Variants in PTPRQ observed in about 807,000 individuals in gnomAD.
The protein encoded by PTPRQ is phosphatidylinositol phosphatase PTPRQ.
Under a neutral mutation model 246.0 loss-of-function variants are expected in PTPRQ, and 199 were observed. That is an observed-to-expected ratio of 0.81 (90% CI 0.72 to 0.91). The LOEUF is 0.91. Ranked by LOEUF, PTPRQ falls within the 40% of genes least tolerant of loss-of-function variation. The probability of loss-of-function intolerance (pLI) is 0.00; values close to 1 mark genes in which losing one functional copy is unlikely to be tolerated. For missense variants in PTPRQ, 2,624 were observed against 2,528.4 expected (o/e 1.04, Z -0.81); for synonymous variants, 869 against 853.2 (o/e 1.02, Z -0.32).
At chr12:80,461,199 C>T (rs1047131188) in intron 6 of PTPRQ, among the ~76,000 whole-genome samples, 9 of 152,034 alleles carry the variant, frequency 5.9e-5, no homozygotes, top group Admixed American at 2.0e-4. Flanking sequence ...TCATCTTTGC[C>T]GTTCTAAATG....
intron 14 of PTPRQ, among the ~76,000 whole-genome samples, chr12:80,497,008 G>C (rs1288860836): frequency 6.6e-6 from 1 of 151,910 alleles, no homozygotes; most frequent in African/African-American, 2.4e-5. Flanking sequence ...GGAATGGGCA[G>C]AAGGATGTTA....
chr12:80,612,899 C>T (rs1225687193), intron 28 of PTPRQ, among the ~76,000 whole-genome samples: 2 of 150,518 alleles, frequency 1.3e-5, no homozygotes, highest in East Asian at 3.9e-4. Flanking sequence ...GACCTCAAGG[C>T]CATTGTGCTA....
At chr12:80,533,965 T>C in intron 17 of PTPRQ, 50 bp from the exon 18 acceptor site, 1 of 1,336,920 alleles carries the variant, frequency 7.5e-7, no homozygotes, top group Non-Finnish European at 9.9e-7. Flanking sequence ...TCAAAAAGTA[T>C]TGTTAACTTT....
intron 25 of PTPRQ, among the ~76,000 whole-genome samples, chr12:80,564,809 A>C (rs1186793918): frequency 6.6e-6 from 1 of 152,190 alleles, no homozygotes; most frequent in Admixed American, 6.5e-5. Flanking sequence ...TTAGAAATTC[A>C]ATACATCATT....
intron 39 of PTPRQ, 96 bp downstream of exon 39, chr12:80,658,157 A>T (rs1451962121): frequency 1.4e-6 from 1 of 727,028 alleles, no homozygotes; most frequent in African/African-American, 1.9e-5. Flanking sequence ...ATTTATTACA[A>T]CTCCTATGGA....
chr12:80,629,459 T>C (rs1899339003), intron 33 of PTPRQ, among the ~76,000 whole-genome samples: 1 of 152,192 alleles, frequency 6.6e-6, no homozygotes, highest in Non-Finnish European at 1.5e-5. Context: ...TACACACCTT[T>C]GCAGGCAGAG....
At chr12:80,539,661 C>A (rs1182247369) in intron 19 of PTPRQ, 115 bp from the exon 20 acceptor site, 2 of 876,852 alleles carry the variant, frequency 2.3e-6, no homozygotes, top group African/African-American at 1.8e-5. Context: ...TTTCCTAAAA[C>A]AACATATTAA....
At chr12:80,658,773 A>G (rs866638499) in intron 39 of PTPRQ, among the ~76,000 whole-genome samples, 2 of 151,996 alleles carry the variant, frequency 1.3e-5, no homozygotes, top group East Asian at 3.9e-4. Context: ...AAGCTTAACC[A>G]TCTTCATTAT....
chr12:80,524,303 C>A (rs1265554938), intron 17 of PTPRQ, among the ~76,000 whole-genome samples: 1 of 152,002 alleles, frequency 6.6e-6, no homozygotes, highest in African/African-American at 2.4e-5. Flanking sequence ...ACTGATGAGA[C>A]CTGATGGTTT....
At chr12:80,513,749 T>C (rs1033678369) in intron 17 of PTPRQ, among the ~76,000 whole-genome samples, 4 of 152,146 alleles carry the variant, frequency 2.6e-5, no homozygotes, top group Admixed American at 2.0e-4. Flanking sequence ...AAACTTGCAG[T>C]CACGGCTTCC....
At chr12:80,634,019 T>C (rs978176810) in intron 34 of PTPRQ, among the ~76,000 whole-genome samples, 1 of 152,162 alleles carries the variant, frequency 6.6e-6, no homozygotes, top group African/African-American at 2.4e-5. Flanking sequence ...TCCTCCTCCT[T>C]CTCATCCTGG....
intron 6 of PTPRQ, among the ~76,000 whole-genome samples, chr12:80,465,740 A>T (rs1893378182): frequency 1.3e-5 from 2 of 152,088 alleles, no homozygotes; most frequent in Non-Finnish European, 2.9e-5. Context: ...TATAAACAGA[A>T]CCAAAGACAA....
chr12:80,539,943 C>A lies in PTPRQ; in HGVS notation c.3153C>A (p.Asp1051Glu). The A allele has an allele frequency of 6.7e-7, 1 of 1,499,594 alleles. No homozygotes were observed. Among genetic ancestry groups the A allele is most frequent in the Admixed American group, 2.4e-5 (1 of 41,942 alleles). The allele number at this position is 1,499,594 out of a possible 1,614,324, so 92.9% of individuals were successfully genotyped here. The change falls in exon 20 of 45, where the codon GAC becomes GAA. Residue 1051 changes from aspartate (D) to glutamate (E), a missense_variant and splice_region_variant. By Grantham distance (45) the Asp-to-Glu change is conservative. Transcript: ENST00000644991. Reference protein sequence around the residue: ...SDIIEVYTDQDIPEGFVGNLT... With the variant: ...SDIIEVYTDQEIPEGFVGNLT... ...TCATTGAAGTATACACAGATCAAGA[C>A]AGTATGTAAACAAAAAACACTAATC...
At chr12:80,535,528 GTTAATGT>G (rs1232449867) in intron 19 of PTPRQ, among the ~76,000 whole-genome samples, 1 of 152,028 alleles carries the variant, frequency 6.6e-6, no homozygotes, top group African/African-American at 2.4e-5. Flanking sequence ...TATATTAGTA[GTTAATGT>G]TTAATGTCAG....
At chr12:80,607,894 G>A (rs898404642) in intron 27 of PTPRQ, among the ~76,000 whole-genome samples, 1 of 150,724 alleles carries the variant, frequency 6.6e-6, no homozygotes. Context: ...ATCAAGACAA[G>A]GATGAAAAAC....
chr12:80,650,819 G>A (rs1900231778), intron 37 of PTPRQ, among the ~76,000 whole-genome samples: 1 of 138,756 alleles, frequency 7.2e-6, no homozygotes, highest in African/African-American at 3.3e-5. Context: ...AGTTTTATTA[G>A]CAATAACATT....
intron 35 of PTPRQ, among the ~76,000 whole-genome samples, chr12:80,641,615 A>G (rs1565835933): frequency 6.6e-6 from 1 of 152,216 alleles, no homozygotes; most frequent in Non-Finnish European, 1.5e-5. Context: ...ATGAAAATAC[A>G]TTTCCTTCAG....
intron 3 of PTPRQ, among the ~76,000 whole-genome samples, chr12:80,455,791 G>A (rs993074089): frequency 1.3e-5 from 2 of 151,786 alleles, no homozygotes; most frequent in East Asian, 1.9e-4. Flanking sequence ...TAGCAGAGAC[G>A]GGTTTCACTA....
At chr12:80,627,345 T>TATAGTAATA (rs1555207831) in intron 33 of PTPRQ, among the ~76,000 whole-genome samples, 5 of 143,314 alleles carry the variant, frequency 3.5e-5, no homozygotes, top group African/African-American at 1.3e-4. Context: ...ACTCAATTTT[T>TATAGTAATA]ATAATAATAA....
Sources: gnomAD v4.1 joint callset for allele counts (sites outside exome capture counted in the v4.1 genomes callset) on GRCh38, gnomAD v4.1.1 for gene constraint, MANE v1.5 for transcripts, NCBI Gene and HGNC (gene_info 2026-07-23, HGNC 2026-07-21) for gene names.